Variants in DMD observed in about 807,000 individuals in gnomAD.
DMD encodes mutant dystrophin.
DMD carries 63 observed loss-of-function variants against 330.1 expected under a neutral mutation model. That is an observed-to-expected ratio of 0.19 (90% CI 0.16 to 0.24). The LOEUF (loss-of-function observed/expected upper bound fraction) is 0.24, where lower values mean the gene tolerates loss of function less well. DMD is among the 10% of genes least tolerant of loss of function. The probability of loss-of-function intolerance (pLI) is 1.00; values close to 1 mark genes in which losing one functional copy is unlikely to be tolerated. For synonymous variants in DMD, 1,223 were observed against 959.8 expected (o/e 1.27, Z -5.07); for missense variants, 3,344 against 2,684.1 (o/e 1.25, Z -5.43).
At chrX:32,586,482 A>G (rs1200322674) in intron 13 of DMD, among the ~76,000 whole-genome samples, 1 of 109,120 alleles carries the variant, frequency 9.2e-6, no homozygotes, top group Non-Finnish European at 1.9e-5. Context: ...TTGTACTTGT[A>G]AATTTAACTC....
chrX:31,720,081 A>G (rs978578143), intron 52 of DMD, among the ~76,000 whole-genome samples: 14 of 112,109 alleles, frequency 1.2e-4, no homozygotes, highest in African/African-American at 4.5e-4. Flanking sequence ...ACAGGTAACT[A>G]TTCAAACTCT....
chrX:33,105,279 A>G (rs890349346), intron 1 of DMD, among the ~76,000 whole-genome samples: 1 of 111,893 alleles, frequency 8.9e-6, no homozygotes, highest in African/African-American at 3.2e-5. Flanking sequence ...AAATTAGCTC[A>G]AGGAGGATTA....
chrX:31,721,688 C>CCATATATA (rs1569292569), intron 52 of DMD, among the ~76,000 whole-genome samples: 1 of 49,889 alleles, frequency 2.0e-5, no homozygotes, highest in African/African-American at 9.6e-5. Context: ...CTCTCTCACT[C>CCATATATA]TCTCTCTCTC....
chrX:32,025,323 C>A (rs1402509743), intron 44 of DMD, among the ~76,000 whole-genome samples: 1 of 111,842 alleles, frequency 8.9e-6, no homozygotes, highest in Admixed American at 9.5e-5. Flanking sequence ...TCTATAACTG[C>A]AGTATCTGAT....
chrX:32,932,765 A>C (rs2089701094), intron 2 of DMD, among the ~76,000 whole-genome samples: 1 of 111,680 alleles, frequency 9.0e-6, no homozygotes, highest in Non-Finnish European at 1.9e-5. Flanking sequence ...GGTGTATCTG[A>C]CTACCAGTTT....
Position 32,252,689 on chromosome X carries a change from TATATATAAATATATATAA to T in DMD, c.6290+34822_6290+34839del, listed in dbSNP as rs1251854002. 4.9e-3 allele frequency among the ~76,000 whole-genome samples: 190 copies of T among 38,768 alleles called. 12 individuals are homozygous for T. Among genetic ancestry groups the T allele is most frequent in the South Asian group, 0.021 (20 of 973 alleles). The allele number at this position is 38,768 out of a possible 115,157, so 33.7% of individuals were successfully genotyped here. A position where few individuals can be genotyped will look rare whatever the true frequency, so the allele number is the denominator to read the frequency against. On this transcript the variant is annotated intron_variant, in intron 43 of 78. Coordinates refer to ENST00000357033, the MANE Select transcript of DMD (RefSeq NM_004006.3). ...ATATATATATATAAATATATAAATA[TATATATAAATATATATAA>T]ATATATAAATATATATAAATATATA...
rs374417090 is a variant in DMD at position 32,282,694 on chromosome X, G to A, written c.6290+4835C>T. Among the ~76,000 whole-genome samples the A allele has an allele frequency of 6.8e-4, 76 of 112,114 alleles. 5 individuals are homozygous for A. In the East Asian group the frequency reaches 0.01, roughly 15 times the overall value. On this transcript the variant is annotated intron_variant, in intron 43 of 78. Transcript: ENST00000357033. ...ATATCTTCCTGTTCTCATCTAAAGC[G>A]TAATGTCTGTTTTACCTTATGACAT... is the stretch of plus-strand genomic sequence containing the variant.
chrX:32,649,777 TATATAA>T (rs1424495370), intron 9 of DMD, among the ~76,000 whole-genome samples: 1 of 110,510 alleles, frequency 9.0e-6, no homozygotes, highest in Non-Finnish European at 1.9e-5. Context: ...TACTTCTGAA[TATATAA>T]ATATATTTTA....
chrX:33,276,096 T>C (rs113345053), intron 1 of DMD, among the ~76,000 whole-genome samples: 1,219 of 111,860 alleles, frequency 0.011, 20 homozygotes, highest in African/African-American at 0.038. Context: ...GATGAAATTT[T>C]TGTCAGGCTT....
At chrX:31,122,109 G>A (rs1253238533) in intron 78 of DMD, among the ~76,000 whole-genome samples, 179 bp from the exon 79 acceptor site, 1 of 112,189 alleles carries the variant, frequency 8.9e-6, no homozygotes, top group East Asian at 2.8e-4. Flanking sequence ...AAGAAGCAAA[G>A]CCTTATTAAT....
chrX:33,049,871 T>A (rs2094436099), intron 1 of DMD, among the ~76,000 whole-genome samples: 1 of 111,948 alleles, frequency 8.9e-6, no homozygotes, highest in Non-Finnish European at 1.9e-5. Context: ...TTTAACCAAA[T>A]ATGTAAATTC....
chrX:33,024,804 G>A (rs2093968483), intron 1 of DMD, among the ~76,000 whole-genome samples: 1 of 111,954 alleles, frequency 8.9e-6, no homozygotes, highest in Non-Finnish European at 1.9e-5. Context: ...TGGCTTTGCA[G>A]GACTTATTAG....
chrX:31,978,279 T>C (rs2095450846), intron 44 of DMD, among the ~76,000 whole-genome samples: 1 of 111,310 alleles, frequency 9.0e-6, no homozygotes, highest in Admixed American at 9.6e-5. Context: ...CAGTTCAACT[T>C]TGTTTTGTCC....
intron 53 of DMD, among the ~76,000 whole-genome samples, chrX:31,669,097 T>C (rs1203280295): frequency 8.9e-6 from 1 of 112,162 alleles, no homozygotes; most frequent in Non-Finnish European, 1.9e-5. Flanking sequence ...TTTGACATAC[T>C]GGTTTAAATT....
intron 1 of DMD, among the ~76,000 whole-genome samples, chrX:33,274,812 C>T (rs2053209821): frequency 9.0e-6 from 1 of 111,402 alleles, no homozygotes; most frequent in Non-Finnish European, 1.9e-5. Flanking sequence ...GTATATCTGC[C>T]TCCTCCAGGA....
chrX:32,839,484 C>A lies in DMD; in HGVS notation c.264+5299G>T, dbSNP rs1004796853. On this transcript the variant is annotated intron_variant, in intron 4 of 78. Transcript: ENST00000357033. ...ACACAAAGGGTTGTGTTTGCTCTGA[C>A]ACCAATCAATCAACTTATATACCTG... 9.8e-5 allele frequency among the ~76,000 whole-genome samples: 11 copies of A among 111,882 alleles called. No homozygotes were observed. In the Admixed American group the frequency reaches 1.0e-3, roughly 11 times the overall value.
At chrX:33,041,572 T>A (rs2094302362) in intron 1 of DMD, 1 of 1,207,271 alleles carries the variant, frequency 8.3e-7, no homozygotes, top group Non-Finnish European at 1.1e-6. Context: ...CCTACAAGAA[T>A]CCCGGATGAT....
chrX:32,005,444 T>C (rs2095655131), intron 44 of DMD, among the ~76,000 whole-genome samples: 1 of 111,154 alleles, frequency 9.0e-6, no homozygotes, highest in South Asian at 3.8e-4. Flanking sequence ...TGATGAATTC[T>C]TTCTTGGGAT....
chrX:32,290,952 C>T (rs1311854356), intron 42 of DMD, among the ~76,000 whole-genome samples: 1 of 111,592 alleles, frequency 9.0e-6, no homozygotes, highest in African/African-American at 3.3e-5. Context: ...AAAGAATTCA[C>T]GAAGAAGGTG....
Sources: allele counts gnomAD v4.1 joint callset (sites outside exome capture counted in the v4.1 genomes callset), GRCh38; gene constraint gnomAD v4.1.1; transcripts MANE v1.5; gene names NCBI Gene and HGNC (gene_info 2026-07-23, HGNC 2026-07-21).